Variants in EML4 observed in about 807,000 individuals in gnomAD.
EML4 encodes echinoderm microtubule-associated protein-like 4.
In EML4, 72 loss-of-function variants were observed where a neutral mutation model predicts 129.0. The ratio of observed to expected loss-of-function variants is 0.56; its 90% CI spans 0.46 to 0.68. The LOEUF is 0.68. Ranked by LOEUF, EML4 falls within the 30% of genes least tolerant of loss-of-function variation. EML4 has a pLI of 0.00. For synonymous variants in EML4, 532 were observed against 405.0 expected, an observed-to-expected ratio of 1.31 and a Z score of -3.77; for missense variants, 1,363 against 1,190.6, an observed-to-expected ratio of 1.14 and a Z score of -2.13.
At chr2:42,219,824 G>A (rs1169882023) in intron 1 of EML4, among the ~76,000 whole-genome samples, 6 of 151,682 alleles carry the variant, frequency 4.0e-5, no homozygotes, top group Non-Finnish European at 8.8e-5. Context: ...TACTTGGGAG[G>A]CTGAGGCAGG....
chr2:42,174,197 A>C, intron 1 of EML4, among the ~76,000 whole-genome samples: 1 of 152,220 alleles, frequency 6.6e-6, no homozygotes, highest in East Asian at 1.9e-4. Flanking sequence ...TTTGATTTTT[A>C]AAATAGATTC....
chr2:42,202,082 CAA>C (rs748080390), intron 1 of EML4, among the ~76,000 whole-genome samples: 12 of 110,982 alleles, frequency 1.1e-4, no homozygotes, highest in Admixed American at 1.9e-4. Context: ...GACTCTGTCT[CAA>C]AAAAAAAAAA....
chr2:42,189,769 G>A (rs1399958784), intron 1 of EML4, among the ~76,000 whole-genome samples: 2 of 152,038 alleles, frequency 1.3e-5, no homozygotes, highest in East Asian at 1.9e-4. Context: ...TTCAAAATAC[G>A]GTGCTTTCCA....
chr2:42,185,213 C>A (rs1258479923), intron 1 of EML4, among the ~76,000 whole-genome samples: 2 of 151,910 alleles, frequency 1.3e-5, no homozygotes, highest in African/African-American at 4.8e-5. Context: ...GTCTCTTGTT[C>A]GTTCTGTCTG....
At chr2:42,228,234 G>C (rs542448611) in intron 1 of EML4, among the ~76,000 whole-genome samples, 2 of 145,174 alleles carry the variant, frequency 1.4e-5, no homozygotes, top group East Asian at 2.1e-4. Flanking sequence ...AAAAAAAAAA[G>C]TATACATGGA....
At chr2:42,241,232 A>T (rs1201056346) in intron 1 of EML4, among the ~76,000 whole-genome samples, 1 of 152,188 alleles carries the variant, frequency 6.6e-6, no homozygotes, top group African/African-American at 2.4e-5. Context: ...CACAGCTTTT[A>T]TTGAATTCTC....
chr2:42,316,662 C>T (rs1031950914), intron 18 of EML4, among the ~76,000 whole-genome samples: 1 of 152,196 alleles, frequency 6.6e-6, no homozygotes, highest in Non-Finnish European at 1.5e-5. Context: ...CTTTGATTCA[C>T]ACCACTCTTC....
chr2:42,191,713 C>A (rs532944672), intron 1 of EML4, among the ~76,000 whole-genome samples: 2 of 152,292 alleles, frequency 1.3e-5, no homozygotes, highest in East Asian at 3.9e-4. Context: ...ATGCTCAGTT[C>A]TCTTTGCCGT....
At chr2:42,178,419 G>T (rs1670739880) in intron 1 of EML4, among the ~76,000 whole-genome samples, 1 of 151,940 alleles carries the variant, frequency 6.6e-6, no homozygotes, top group African/African-American at 2.4e-5. Flanking sequence ...GAACGTGGTG[G>T]TGCATGCCCA....
intron 9 of EML4, among the ~76,000 whole-genome samples, chr2:42,285,157 C>T (rs1242232517): frequency 6.6e-6 from 1 of 152,084 alleles, no homozygotes; most frequent in African/African-American, 2.4e-5. Context: ...GATCCTCCAG[C>T]CTTGGCCTCT....
intron 2 of EML4, among the ~76,000 whole-genome samples, chr2:42,249,974 A>T (rs886996982): frequency 2.0e-5 from 3 of 152,336 alleles, no homozygotes; most frequent in African/African-American, 7.2e-5. Flanking sequence ...GGCCCAGAGA[A>T]CACTGGAAGT....
At chr2:42,194,084 A>G (rs970659594) in intron 1 of EML4, among the ~76,000 whole-genome samples, 1 of 152,220 alleles carries the variant, frequency 6.6e-6, no homozygotes, top group Non-Finnish European at 1.5e-5. Context: ...TGCTCATTTT[A>G]AATTTTATTA....
chr2:42,169,885 C>T (rs1670159818), intron 1 of EML4: 1 of 417,690 alleles, frequency 2.4e-6, no homozygotes, highest in Middle Eastern at 4.9e-4. Flanking sequence ...GGCCCTCGTT[C>T]CCCCAAAGTG....
chr2:42,317,322 T>C, intron 18 of EML4, 105 bp from the exon 19 acceptor site: 1 of 731,352 alleles, frequency 1.4e-6, no homozygotes, highest in Non-Finnish European at 2.2e-6. Flanking sequence ...AATTGCCAAA[T>C]AGTTAAATTG....
At chr2:42,182,563 C>G (rs1019695739) in intron 1 of EML4, among the ~76,000 whole-genome samples, 2 of 152,094 alleles carry the variant, frequency 1.3e-5, no homozygotes, top group African/African-American at 2.4e-5. Flanking sequence ...TAGGACTGAA[C>G]TATGGGGGAA....
intron 1 of EML4, among the ~76,000 whole-genome samples, chr2:42,223,159 A>C (rs17029354): frequency 6.6e-6 from 1 of 152,030 alleles, no homozygotes; most frequent in Non-Finnish European, 1.5e-5. Flanking sequence ...AACATATTTC[A>C]TTCACTTGAT....
At chr2:42,201,745 A>G (rs1372795930) in intron 1 of EML4, among the ~76,000 whole-genome samples, 1 of 152,196 alleles carries the variant, frequency 6.6e-6, no homozygotes, top group African/African-American at 2.4e-5. Context: ...ATACCCAGAT[A>G]ACACATGATT....
intron 9 of EML4, among the ~76,000 whole-genome samples, chr2:42,285,410 A>AAGGTTTCTACT (rs1667236826): frequency 6.6e-6 from 1 of 152,126 alleles, no homozygotes; most frequent in Non-Finnish European, 1.5e-5. Context: ...AAAGGAGTAG[A>AAGGTTTCTACT]AGGTTTCTAC....
intron 1 of EML4, among the ~76,000 whole-genome samples, chr2:42,194,410 T>G (rs560882433): frequency 9.9e-5 from 15 of 151,828 alleles, no homozygotes; most frequent in Non-Finnish European, 1.8e-4. Flanking sequence ...GAAACAAATT[T>G]TTTGTCAGAA....
Sources: gnomAD v4.1 joint callset for allele counts (sites outside exome capture counted in the v4.1 genomes callset) on GRCh38, gnomAD v4.1.1 for gene constraint, MANE v1.5 for transcripts, NCBI Gene and HGNC (gene_info 2026-07-23, HGNC 2026-07-21) for gene names.